The following CFAP20DC variants were observed in gnomAD, a reference collection of about 807,000 sequenced individuals.
The protein encoded by CFAP20DC is CFAP20 domain containing.
In CFAP20DC, 84 loss-of-function variants were observed where a neutral mutation model predicts 101.7. The observed-to-expected ratio is 0.83, with a 90% CI of 0.69 to 0.99. The LOEUF is 0.99. Ranked by LOEUF, CFAP20DC falls within the 50% of genes least tolerant of loss-of-function variation. CFAP20DC has a pLI of 0.00. For synonymous variants in CFAP20DC, 359 were observed against 351.2 expected, an observed-to-expected ratio of 1.02 and a Z score of -0.25; for missense variants, 1,007 against 970.3, an observed-to-expected ratio of 1.04 and a Z score of -0.50.
At chr3:58,820,794 T>C (rs1297225982) in intron 14 of CFAP20DC, among the ~76,000 whole-genome samples, 65 of 147,296 alleles carry the variant, frequency 4.4e-4, no homozygotes, top group African/African-American at 1.7e-3. Flanking sequence ...AAAAAACTAC[T>C]TTAAAGTTCA....
intron 4 of CFAP20DC, among the ~76,000 whole-genome samples, chr3:59,009,197 G>T (rs948099091): frequency 2.6e-5 from 4 of 152,002 alleles, no homozygotes; most frequent in African/African-American, 7.2e-5. Context: ...ATAAATTCAA[G>T]AACAATTTTA....
chr3:59,002,721 C>T lies in CFAP20DC; in HGVS notation c.278+36836G>A, dbSNP rs1423627834. ...AATGAGGATTGGTTCTATTTTTCTT[C>T]AACTTTCTTCCTCACTCAAAGAGAT... On this transcript the variant is annotated intron_variant, in intron 4 of 16. Transcript: ENST00000482387. This position sits in a 1 kb window ranked among gnomAD's most constrained non-coding sequence, Gnocchi z 4.5. Among the ~76,000 whole-genome samples, 1 of 152,136 alleles carries T rather than the reference C, an allele frequency of 6.6e-6. No individual in the cohort carries two copies. Among genetic ancestry groups the T allele is most frequent in the African/African-American group, 2.4e-5 (1 of 41,434 alleles).
chr3:58,918,363 C>T (rs1282342913), intron 5 of CFAP20DC, among the ~76,000 whole-genome samples: 2 of 152,170 alleles, frequency 1.3e-5, no homozygotes, highest in African/African-American at 2.4e-5. Context: ...CAATCACTCC[C>T]TGGTCATTCC....
rs116187508 is a variant in CFAP20DC at position 58,830,740 on chromosome 3, A to G, written c.2175+946T>C. Among the ~76,000 whole-genome samples, 933 of 152,302 alleles carry G rather than the reference A, an allele frequency of 6.1e-3. 5 individuals carry two copies. The highest frequency in any genetic ancestry group is 9.4e-3 in the Non-Finnish European group (640 of 68,028). On this transcript the variant is annotated intron_variant, in intron 14 of 16. Coordinates refer to ENST00000482387, the MANE Select transcript of CFAP20DC (RefSeq NM_001394063.1). Reference sequence around the variant, plus strand: ...CATATTTACTTTTGGATGAAAGTATATTTTAGTCTGTTTGCTATGATATTG... The same window carrying G: ...CATATTTACTTTTGGATGAAAGTATGTTTTAGTCTGTTTGCTATGATATTG...
chr3:58,894,010 C>G lies in CFAP20DC; in HGVS notation c.551-9301G>C, dbSNP rs1355206845. ...TGCAGGGAAACTCCCCTTTTTAAAACCATCAGATCTCAAAAGACTTACTTG... is the reference window on the plus strand; with the variant it reads ...TGCAGGGAAACTCCCCTTTTTAAAAGCATCAGATCTCAAAAGACTTACTTG... On this transcript the variant is annotated intron_variant, in intron 6 of 16. Coordinates refer to ENST00000482387, the MANE Select transcript of CFAP20DC (RefSeq NM_001394063.1). This position sits in a 1 kb window ranked among gnomAD's most constrained non-coding sequence, Gnocchi z 4.1. Among the ~76,000 whole-genome samples, 2 of 152,134 alleles carry G rather than the reference C, an allele frequency of 1.3e-5. No homozygotes were observed. Among genetic ancestry groups the G allele is most frequent in the Non-Finnish European group, 2.9e-5 (2 of 68,018 alleles).
intron 15 of CFAP20DC, among the ~76,000 whole-genome samples, chr3:58,772,640 A>T (rs180780112): frequency 6.6e-6 from 1 of 152,220 alleles, no homozygotes; most frequent in African/African-American, 2.4e-5. Context: ...TGTTTATTAC[A>T]GCACTGTCTA....
intron 14 of CFAP20DC, among the ~76,000 whole-genome samples, chr3:58,817,302 T>A (rs1414365526): frequency 2.0e-5 from 3 of 152,150 alleles, no homozygotes; most frequent in African/African-American, 7.2e-5. Context: ...ATGACTTTGA[T>A]GAGCTGAGAG....
intron 13 of CFAP20DC, among the ~76,000 whole-genome samples, chr3:58,839,571 A>G (rs1421015980): frequency 6.6e-6 from 1 of 152,180 alleles, no homozygotes; most frequent in Non-Finnish European, 1.5e-5. Context: ...ACTTGCTTCT[A>G]TTTAAAACTT....
intron 12 of CFAP20DC, among the ~76,000 whole-genome samples, chr3:58,854,213 C>G (rs910678136): frequency 6.6e-6 from 1 of 151,618 alleles, no homozygotes. Context: ...AGAGCCAAAT[C>G]ATGAGTGAAC....
At chr3:58,747,052 T>G (rs1236033104) in intron 16 of CFAP20DC, among the ~76,000 whole-genome samples, 1 of 151,980 alleles carries the variant, frequency 6.6e-6, no homozygotes, top group Non-Finnish European at 1.5e-5. Context: ...GCTAAATTGC[T>G]CTATTTAAAG....
At chr3:58,822,931 A>C (rs1342880032) in intron 14 of CFAP20DC, among the ~76,000 whole-genome samples, 1 of 152,176 alleles carries the variant, frequency 6.6e-6, no homozygotes. Flanking sequence ...TATCCCCTGA[A>C]GAAAGGAACA....
At chr3:58,748,741 A>T (rs2068371724) in intron 16 of CFAP20DC, among the ~76,000 whole-genome samples, 1 of 152,152 alleles carries the variant, frequency 6.6e-6, no homozygotes, top group African/African-American at 2.4e-5. Flanking sequence ...TTCCTAAATT[A>T]AAAAAATTGC....
chr3:58,946,226 C>T lies in CFAP20DC; in HGVS notation c.279-8464G>A, dbSNP rs909695403. Among the ~76,000 whole-genome samples the T allele has an allele frequency of 4.6e-5, 7 of 150,992 alleles. No individual in the cohort carries two copies. The South Asian group carries it at 1.5e-3, about 32-fold the overall frequency. On this transcript the variant is annotated intron_variant, in intron 4 of 16. Transcript: ENST00000482387. ...CTGCCTCCCAGGTTCAAGCGATTCT[C>T]GTGTCTCAGTCTCCTAAGTAGCTGG...
rs962195570 is a variant in CFAP20DC, at chr3:58,964,895, T to C, written c.279-27133A>G. 2.0e-5 allele frequency among the ~76,000 whole-genome samples: 3 copies of C among 152,324 alleles called. No individual in the cohort carries two copies. Among genetic ancestry groups the C allele is most frequent in the South Asian group, 2.1e-4 (1 of 4,824 alleles). ...AAATGATATGGACAGTCTAACACAA[T>C]AGTGGACACTTGAAACCACTACTGA... is the stretch of plus-strand genomic sequence containing the variant. On this transcript the variant is annotated intron_variant, in intron 4 of 16. Coordinates refer to ENST00000482387, the MANE Select transcript of CFAP20DC (RefSeq NM_001394063.1). The surrounding 1 kb of genome is among the most constrained non-coding windows in gnomAD (Gnocchi z 4.1).
chr3:58,820,078 G>C (rs1234387123), intron 14 of CFAP20DC, among the ~76,000 whole-genome samples: 2 of 151,536 alleles, frequency 1.3e-5, no homozygotes, highest in Non-Finnish European at 1.5e-5. Context: ...AAAAGCCTTT[G>C]ACAAAATTCA....
chr3:58,879,112 A>G (rs1219868189), intron 7 of CFAP20DC, among the ~76,000 whole-genome samples: 2 of 152,160 alleles, frequency 1.3e-5, no homozygotes, highest in Non-Finnish European at 2.9e-5. Flanking sequence ...CAGTTCCCTC[A>G]TCTACAAAAT....
intron 13 of CFAP20DC, among the ~76,000 whole-genome samples, chr3:58,839,956 G>A (rs2041701753): frequency 6.6e-6 from 1 of 152,052 alleles, no homozygotes; most frequent in Non-Finnish European, 1.5e-5. Flanking sequence ...TTTTGCCTTT[G>A]CAACCATTGC....
rs1326821072 is a variant in CFAP20DC at position 58,912,638 on chromosome 3, T to C, written c.550+1070A>G. On this transcript the variant is annotated intron_variant, in intron 6 of 16. Coordinates refer to ENST00000482387, the MANE Select transcript of CFAP20DC (RefSeq NM_001394063.1). This position sits in a 1 kb window ranked among gnomAD's most constrained non-coding sequence, Gnocchi z 4.4. ...TGATTTAACAAATAATAATCCCAGA[T>C]GAAAATCAAAAGGAGGCATCAGTAT... 1 of 429,128 alleles carries C rather than the reference T, an allele frequency of 2.3e-6. No individual in the cohort carries two copies. Among genetic ancestry groups the C allele is most frequent in the Non-Finnish European group, 4.6e-6 (1 of 217,412 alleles). The allele number at this position is 429,128 out of a possible 1,614,324, so 26.6% of individuals were successfully genotyped here. A position where few individuals can be genotyped will look rare whatever the true frequency, so the allele number is the denominator to read the frequency against.
intron 5 of CFAP20DC, among the ~76,000 whole-genome samples, chr3:58,935,587 T>C (rs1482786643): frequency 6.6e-6 from 1 of 152,038 alleles, no homozygotes; most frequent in Admixed American, 6.5e-5. Context: ...TATAGATCAA[T>C]GGAATAGAAC....
Sources: allele counts gnomAD v4.1 joint callset (sites outside exome capture counted in the v4.1 genomes callset), GRCh38; gene constraint gnomAD v4.1.1; non-coding constraint Gnocchi (gnomAD v3.1); transcripts MANE v1.5; gene names NCBI Gene and HGNC (gene_info 2026-07-23, HGNC 2026-07-21).